Variants in TAF2 observed in about 807,000 individuals in gnomAD.
TAF2 encodes the protein transcription initiation factor TFIID subunit 2.
Under a neutral mutation model 138.5 loss-of-function variants are expected in TAF2, and 61 were observed. That is an observed-to-expected ratio of 0.44 (90% CI 0.36 to 0.54). The LOEUF (loss-of-function observed/expected upper bound fraction) is 0.54, where lower values mean the gene tolerates loss of function less well. Among genes scored for constraint, TAF2 ranks in the 20% least tolerant of loss-of-function variants. The probability of loss-of-function intolerance (pLI) is 0.00; values close to 1 mark genes in which losing one functional copy is unlikely to be tolerated. For missense variants in TAF2, 1,090 were observed against 1,427.9 expected (o/e 0.76, Z 3.81); for synonymous variants, 475 against 469.9 (o/e 1.01, Z -0.14).
intron 18 of TAF2, among the ~76,000 whole-genome samples, chr8:119,769,292 C>T (rs917709946): frequency 2.6e-5 from 4 of 152,072 alleles, no homozygotes; most frequent in African/African-American, 7.2e-5. Context: ...TATAGTTGCA[C>T]CCTCAAGGTG....
At chr8:119,761,950 A>G (rs1342129845) in intron 19 of TAF2, among the ~76,000 whole-genome samples, 2 of 152,218 alleles carry the variant, frequency 1.3e-5, no homozygotes, top group Non-Finnish European at 1.5e-5. Context: ...TGTTCACTAT[A>G]TAGAAAGTTA....
At position 119,747,649 on chromosome 8, in the gene TAF2, G is replaced by A. The variant is rs150641155; in HGVS notation, c.2879-715C>T. ...AGCACATTGATACCAGGGTTTTCCCGCCTTCCTTTTCTCCCCAGTACAACA... is the reference window on the plus strand; with the variant it reads ...AGCACATTGATACCAGGGTTTTCCCACCTTCCTTTTCTCCCCAGTACAACA... On this transcript the variant is annotated intron_variant, in intron 22 of 25. Coordinates refer to ENST00000378164, the MANE Select transcript of TAF2 (RefSeq NM_003184.4). Among the ~76,000 whole-genome samples the A allele has an allele frequency of 3.7e-3, 565 of 152,178 alleles. 1 individual carries two copies. Among genetic ancestry groups the A allele is most frequent in the African/African-American group, 0.013 (527 of 41,504 alleles).
intron 20 of TAF2, 39 bp downstream of exon 20, chr8:119,760,560 T>C (rs771573646): frequency 6.2e-7 from 1 of 1,606,632 alleles, no homozygotes; most frequent in Admixed American, 1.7e-5. Flanking sequence ...TAAATAGTTC[T>C]TTCTAAAATG....
intron 2 of TAF2, among the ~76,000 whole-genome samples, chr8:119,829,528 TGTGA>T (rs761750145): frequency 1.7e-3 from 264 of 152,158 alleles, no homozygotes; most frequent in African/African-American, 3.5e-3. Context: ...TGTGTGTGTG[TGTGA>T]GTGTGTGTGT....
chr8:119,766,353 C>T (rs1300253956), intron 18 of TAF2, among the ~76,000 whole-genome samples: 5 of 152,110 alleles, frequency 3.3e-5, no homozygotes, highest in Admixed American at 1.3e-4. Context: ...CTGCTGTGTA[C>T]AGGACAGCCC....
At chr8:119,762,094 C>T (rs555552783) in intron 19 of TAF2, among the ~76,000 whole-genome samples, 1 of 151,698 alleles carries the variant, frequency 6.6e-6, no homozygotes, top group Non-Finnish European at 1.5e-5. Context: ...ATATAAAATC[C>T]AACGAAATAA....
chr8:119,758,602 C>G (rs1820857213), intron 20 of TAF2, among the ~76,000 whole-genome samples: 1 of 152,054 alleles, frequency 6.6e-6, no homozygotes, highest in Non-Finnish European at 1.5e-5. Flanking sequence ...GACTAAAGAA[C>G]AGTTTTACTT....
intron 4 of TAF2, among the ~76,000 whole-genome samples, chr8:119,804,349 A>G (rs1161359562): frequency 6.6e-6 from 1 of 152,140 alleles, no homozygotes; most frequent in Non-Finnish European, 1.5e-5. Flanking sequence ...CTGCACACTT[A>G]GGCCTTCCAA....
rs112852197 is a variant in TAF2, at chr8:119,812,751, G to A, written c.300-6350C>T. On this transcript the variant is annotated intron_variant, in intron 3 of 25. Transcript: ENST00000378164. ...TGTGTGTGTGTGTGTGTGTGTGTGT[G>A]TATATATGTGTGTATATATGGTGTA... 1.3e-3 allele frequency among the ~76,000 whole-genome samples: 116 copies of A among 86,580 alleles called. 1 individual carries two copies. The highest frequency in any genetic ancestry group is 9.3e-4 in the African/African-American group (14 of 15,066). The allele number at this position is 86,580 out of a possible 152,430, so 56.8% of individuals were successfully genotyped here.
At chr8:119,804,247 T>C (rs977936526) in intron 4 of TAF2, among the ~76,000 whole-genome samples, 7 of 152,324 alleles carry the variant, frequency 4.6e-5, no homozygotes, top group African/African-American at 1.2e-4. Context: ...ATTGCTTGTA[T>C]TATTTTCCCA....
At chr8:119,828,062 G>C (rs1826215480) in intron 2 of TAF2, among the ~76,000 whole-genome samples, 1 of 152,020 alleles carries the variant, frequency 6.6e-6, no homozygotes, top group South Asian at 2.1e-4. Flanking sequence ...ATTTTTAGTA[G>C]AGACAGGGTT....
chr8:119,807,475 C>T (rs56366115), intron 3 of TAF2, among the ~76,000 whole-genome samples: 46,697 of 152,022 alleles, frequency 0.31, 8,460 homozygotes, highest in African/African-American at 0.5. Flanking sequence ...GAAAAAGATA[C>T]GGAATGGGAA....
At chr8:119,756,434 A>C (rs1025496963) in intron 21 of TAF2, among the ~76,000 whole-genome samples, 1 of 152,146 alleles carries the variant, frequency 6.6e-6, no homozygotes, top group Non-Finnish European at 1.5e-5. Context: ...GACTCCACAT[A>C]ATCCTAACCA....
At chr8:119,832,418 A>C in intron 1 of TAF2, 64 bp downstream of exon 1, 1 of 1,523,658 alleles carries the variant, frequency 6.6e-7, no homozygotes. Context: ...ATTTCAAGCA[A>C]TCGCAAAATA....
At chr8:119,744,768 G>T (rs2289011) in intron 23 of TAF2, 107,219 of 378,008 alleles carry the variant, frequency 0.28, 17,634 homozygotes, top group Admixed American at 0.46. Flanking sequence ...GTTTTATAAT[G>T]CAGTCTGTTG....
intron 2 of TAF2, among the ~76,000 whole-genome samples, chr8:119,820,442 G>A (rs2131258140): frequency 6.6e-6 from 1 of 152,202 alleles, no homozygotes; most frequent in East Asian, 1.9e-4. Flanking sequence ...ACTTTCCTAT[G>A]TTCCCTCTAA....
chr8:119,749,861 A>T (rs1213640120), intron 22 of TAF2, among the ~76,000 whole-genome samples: 1 of 152,176 alleles, frequency 6.6e-6, no homozygotes, highest in Admixed American at 6.5e-5. Flanking sequence ...AATGACAGTC[A>T]CTAGTCTCTC....
intron 13 of TAF2, 77 bp from the exon 14 acceptor site, chr8:119,788,524 T>G (rs917483412): frequency 5.0e-6 from 5 of 1,006,806 alleles, no homozygotes; most frequent in Non-Finnish European, 7.3e-6. Context: ...TACAGAGAAA[T>G]ATAAATCAAG....
At chr8:119,792,987 G>T (rs1469886970) in intron 10 of TAF2, among the ~76,000 whole-genome samples, 1 of 151,974 alleles carries the variant, frequency 6.6e-6, no homozygotes, top group Non-Finnish European at 1.5e-5. Flanking sequence ...ACAAACTATG[G>T]CAAGTGGTAT....
Sources: allele counts gnomAD v4.1 joint callset (sites outside exome capture counted in the v4.1 genomes callset), GRCh38; gene constraint gnomAD v4.1.1; transcripts MANE v1.5; gene names NCBI Gene and HGNC (gene_info 2026-07-23, HGNC 2026-07-21).